Variants in NPIPB8 observed in about 807,000 individuals in gnomAD.
NPIPB8 encodes the protein nuclear pore complex-interacting protein family member B8.
In NPIPB8, 3 loss-of-function variants were observed where a neutral mutation model predicts 5.3. That is an observed-to-expected ratio of 0.57 (90% CI 0.26 to 1.47). The LOEUF (loss-of-function observed/expected upper bound fraction) is 1.47, where lower values mean the gene tolerates loss of function less well. Ranked by LOEUF, NPIPB8 falls within the 40% of genes most tolerant of loss-of-function variation. The probability of loss-of-function intolerance (pLI) is 0.13; values close to 1 mark genes in which losing one functional copy is unlikely to be tolerated. For missense variants in NPIPB8, 50 were observed against 50.2 expected, an observed-to-expected ratio of 1.00 and a Z score of 0.01; for synonymous variants, 18 against 23.0, an observed-to-expected ratio of 0.78 and a Z score of 0.62.
chr16:28,638,422 C>T lies in NPIPB8; in HGVS notation c.62C>T (p.Thr21Ile), dbSNP rs1331262106. 6.4e-7 allele frequency: 1 copy of T among 1,572,534 alleles called. No individual in the cohort carries two copies. Among genetic ancestry groups the T allele is most frequent in the South Asian group, 1.1e-5 (1 of 88,204 alleles). The change falls in exon 2 of 8, where the codon ACC becomes ATC. Residue 21 changes from threonine (T) to isoleucine (I), a missense_variant. Coordinates refer to ENST00000683297, the MANE Select transcript of NPIPB8 (RefSeq NM_001310136.2). The stretch of plus-strand genomic sequence containing the variant: ...CTGTCCCATGACCAGGGCCAGCTCA[C>T]CAAGGAGCTGCAGCAGCATGTAAAG... ...QFLSHDQGQL[T>I]KELQQHVKSV... is the part of the protein sequence containing the mutation.
chr16:28,642,686 A>G (rs1425326766), intron 2 of NPIPB8, among the ~76,000 whole-genome samples: 1 of 140,976 alleles, frequency 7.1e-6, no homozygotes, highest in African/African-American at 2.6e-5. Context: ...GTTTCACCAT[A>G]TTGGCCAGGC....
chr16:28,641,811 G>A (rs1396638586), intron 2 of NPIPB8, among the ~76,000 whole-genome samples: 2 of 131,772 alleles, frequency 1.5e-5, no homozygotes, highest in Admixed American at 8.1e-5. Flanking sequence ...AACATAGCTG[G>A]TCTCAAATCT....
At chr16:28,640,770 G>A (rs577563386) in intron 2 of NPIPB8, among the ~76,000 whole-genome samples, 1 of 152,254 alleles carries the variant, frequency 6.6e-6, no homozygotes, top group African/African-American at 2.4e-5. Flanking sequence ...TTCAGAAAAA[G>A]CAGTTTGGTC....
chr16:28,639,996 A>G (rs1254307039), intron 2 of NPIPB8, among the ~76,000 whole-genome samples: 1 of 151,362 alleles, frequency 6.6e-6, no homozygotes. Context: ...AATGCTCTAC[A>G]TGCACTTATA....
At chr16:28,641,106 T>C (rs2047888094) in intron 2 of NPIPB8, among the ~76,000 whole-genome samples, 1 of 152,008 alleles carries the variant, frequency 6.6e-6, no homozygotes, top group Non-Finnish European at 1.5e-5. Context: ...CTAAACACTC[T>C]CCCAAAACAT....
chr16:28,638,274 C>T lies in NPIPB8; in HGVS notation c.-38-49C>T, dbSNP rs148927914. On this transcript the variant is annotated intron_variant, in intron 1 of 7. Transcript: ENST00000683297. Reference sequence around the variant, plus strand: ...TGACCACTATAGACTCAAACATCACCTTGTTTTTCCACTCATTCAACAAAC... The same window carrying T: ...TGACCACTATAGACTCAAACATCACTTTGTTTTTCCACTCATTCAACAAAC... 4.1e-4 allele frequency: 625 copies of T among 1,535,140 alleles called. 1 individual carries two copies. Among genetic ancestry groups the T allele is most frequent in the Non-Finnish European group, 5.2e-4 (597 of 1,147,528 alleles).
chr16:28,639,355 A>G (rs372495449), intron 2 of NPIPB8, among the ~76,000 whole-genome samples: 63 of 150,018 alleles, frequency 4.2e-4, no homozygotes, highest in Admixed American at 1.0e-3. Context: ...CTTTTAAAAT[A>G]ATAATCTCAA....
chr16:28,642,198 C>T (rs2411441), intron 2 of NPIPB8, among the ~76,000 whole-genome samples: 6 of 151,658 alleles, frequency 4.0e-5, no homozygotes, highest in East Asian at 2.0e-4. Flanking sequence ...CTCCGCCTCC[C>T]GGGCCCAAGG....
At chr16:28,650,984 C>A (rs2048031615) in intron 3 of NPIPB8, among the ~76,000 whole-genome samples, 2 of 112,382 alleles carry the variant, frequency 1.8e-5, no homozygotes, top group Non-Finnish European at 1.7e-5. Context: ...ATATTCATGT[C>A]ATTTTTTTTT....
At chr16:28,639,889 C>T (rs369922710) in intron 2 of NPIPB8, among the ~76,000 whole-genome samples, 2,885 of 147,464 alleles carry the variant, frequency 0.02, 82 homozygotes, top group African/African-American at 0.06. Context: ...TTTTTGGTAA[C>T]ACTTTACTGC....
chr16:28,642,818 G>C lies in NPIPB8; in HGVS notation c.120+4338G>C, dbSNP rs1175005262. Among the ~76,000 whole-genome samples the C allele has an allele frequency of 1.3e-5, 2 of 151,792 alleles. 1 individual carries two copies. Among genetic ancestry groups the C allele is most frequent in the Non-Finnish European group, 2.9e-5 (2 of 67,818 alleles). ...TTTGTTTTGCTTGTTTCTTAGGGTTGTTTTTCTATTTATGGTAAAGGCATT... is the reference window on the plus strand; with the variant it reads ...TTTGTTTTGCTTGTTTCTTAGGGTTCTTTTTCTATTTATGGTAAAGGCATT... On this transcript the variant is annotated intron_variant, in intron 2 of 7. Transcript: ENST00000683297.
At chr16:28,642,102 G>A (rs1314727096) in intron 2 of NPIPB8, among the ~76,000 whole-genome samples, 1 of 137,274 alleles carries the variant, frequency 7.3e-6, no homozygotes, top group African/African-American at 3.0e-5. Flanking sequence ...CGAAATCTAG[G>A]GCTTCTTTTT....
chr16:28,642,739 C>T (rs1596677798), intron 2 of NPIPB8, among the ~76,000 whole-genome samples: 1 of 151,658 alleles, frequency 6.6e-6, no homozygotes, highest in Non-Finnish European at 1.5e-5. Flanking sequence ...ACCTCGGCCT[C>T]CCAAAGTGCT....
At position 28,645,307 on chromosome 16, in the gene NPIPB8, G is replaced by A. The variant is rs1400147472; in HGVS notation, c.121-2828G>A. Reference sequence around the variant, plus strand: ...GCCTCCCAGTGCTGGGATTACAGGCGTGAGCCACCGCGCCTGGCCAAAATA... The same window carrying A: ...GCCTCCCAGTGCTGGGATTACAGGCATGAGCCACCGCGCCTGGCCAAAATA... On this transcript the variant is annotated intron_variant, in intron 2 of 7. Coordinates refer to ENST00000683297, the MANE Select transcript of NPIPB8 (RefSeq NM_001310136.2). Among the ~76,000 whole-genome samples, 42 of 92,842 alleles carry A rather than the reference G, an allele frequency of 4.5e-4. 1 individual carries two copies. Among genetic ancestry groups the A allele is most frequent in the Admixed American group, 3.7e-3 (33 of 8,966 alleles). 60.9% of individuals were successfully genotyped at this position (92,842 alleles called of 152,430 possible).
chr16:28,641,175 C>T (rs1169152167), intron 2 of NPIPB8, among the ~76,000 whole-genome samples: 2 of 151,820 alleles, frequency 1.3e-5, no homozygotes, highest in Admixed American at 6.6e-5. Context: ...AGTGCCCATT[C>T]AATGACCAGG....
At chr16:28,641,737 CA>C (rs1182647119) in intron 2 of NPIPB8, among the ~76,000 whole-genome samples, 52 of 129,758 alleles carry the variant, frequency 4.0e-4, no homozygotes, top group African/African-American at 1.2e-3. Context: ...TGCATGCATG[CA>C]GCCATTGGCA....
At chr16:28,641,788 G>A (rs1293075292) in intron 2 of NPIPB8, among the ~76,000 whole-genome samples, 2 of 132,122 alleles carry the variant, frequency 1.5e-5, no homozygotes, top group African/African-American at 5.7e-5. Context: ...GGGTCACACA[G>A]CTGGTCAGCA....
At chr16:28,639,809 AAT>A (rs2047861738) in intron 2 of NPIPB8, among the ~76,000 whole-genome samples, 1 of 150,846 alleles carries the variant, frequency 6.6e-6, no homozygotes, top group African/African-American at 2.5e-5. Context: ...GCTATGAAAG[AAT>A]ATGCATAGTT....
At chr16:28,639,985 C>A (rs2047866437) in intron 2 of NPIPB8, among the ~76,000 whole-genome samples, 1 of 151,272 alleles carries the variant, frequency 6.6e-6, no homozygotes, top group Admixed American at 6.6e-5. Context: ...GCCCTGGGTT[C>A]AATGCTCTAC....
Sources: allele counts gnomAD v4.1 joint callset (sites outside exome capture counted in the v4.1 genomes callset), GRCh38; gene constraint gnomAD v4.1.1; transcripts MANE v1.5; gene names NCBI Gene and HGNC (gene_info 2026-07-23, HGNC 2026-07-21).